DIAPH3: variants seen among roughly 807,000 people sequenced by gnomAD.
DIAPH3 encodes the protein protein diaphanous homolog 3.
Under a neutral mutation model 144.3 loss-of-function variants are expected in DIAPH3, and 117 were observed. The ratio of observed to expected loss-of-function variants is 0.81; its 90% CI spans 0.70 to 0.95. The LOEUF (loss-of-function observed/expected upper bound fraction) is 0.95. Among genes scored for constraint, DIAPH3 ranks in the 40% least tolerant of loss-of-function variants. The pLI, the probability that DIAPH3 is intolerant of heterozygous loss-of-function variation, is 0.00. For synonymous variants in DIAPH3, 519 were observed against 488.9 expected, an observed-to-expected ratio of 1.06 and a Z score of -0.81; for missense variants, 1,421 against 1,412.7, an observed-to-expected ratio of 1.01 and a Z score of -0.09.
At chr13:60,062,304 G>T (rs779352295) in intron 4 of DIAPH3, among the ~76,000 whole-genome samples, 2 of 152,044 alleles carry the variant, frequency 1.3e-5, no homozygotes, top group Admixed American at 1.3e-4. Context: ...ACATTTGCTG[G>T]ACATCTATTA....
intron 3 of DIAPH3, among the ~76,000 whole-genome samples, chr13:60,096,496 G>A (rs2058108253): frequency 6.6e-6 from 1 of 152,128 alleles, no homozygotes; most frequent in Non-Finnish European, 1.5e-5. Flanking sequence ...TTAATTTTAG[G>A]TTAGACTTCT....
chr13:59,778,101 A>G (rs1412735593), intron 25 of DIAPH3, among the ~76,000 whole-genome samples: 1 of 152,226 alleles, frequency 6.6e-6, no homozygotes, highest in Non-Finnish European at 1.5e-5. Context: ...ACACAGTCTC[A>G]TGTTTATTAC....
chr13:60,061,603 C>T (rs2056775091), intron 4 of DIAPH3, among the ~76,000 whole-genome samples: 1 of 150,728 alleles, frequency 6.6e-6, no homozygotes, highest in Non-Finnish European at 1.5e-5. Flanking sequence ...AAAACATGCC[C>T]CTCCCCCCAC....
chr13:59,766,393 T>C (rs1326192120), intron 27 of DIAPH3, among the ~76,000 whole-genome samples: 2 of 152,142 alleles, frequency 1.3e-5, no homozygotes, highest in Non-Finnish European at 2.9e-5. Context: ...TCAGCCCCAA[T>C]GACCTTGCCT....
chr13:60,147,266 T>C (rs1232309269), intron 1 of DIAPH3: 1 of 152,186 alleles, frequency 6.6e-6, no homozygotes, highest in African/African-American at 2.4e-5. Flanking sequence ...GAAAAGGTCA[T>C]TTGGAAAATA....
chr13:59,826,876 C>T (rs865925594), intron 24 of DIAPH3, among the ~76,000 whole-genome samples: 6,735 of 151,756 alleles, frequency 0.044, 230 homozygotes, highest in Admixed American at 0.11. Flanking sequence ...GAAATAACGC[C>T]GCATATCTAC....
intron 25 of DIAPH3, among the ~76,000 whole-genome samples, chr13:59,783,635 C>T (rs1215203024): frequency 6.6e-6 from 1 of 152,116 alleles, no homozygotes; most frequent in African/African-American, 2.4e-5. Context: ...CAATGGCTCC[C>T]CAACTAACAA....
intron 27 of DIAPH3, among the ~76,000 whole-genome samples, chr13:59,738,252 C>T (rs545448239): frequency 2.0e-5 from 3 of 152,140 alleles, no homozygotes; most frequent in South Asian, 2.1e-4. Flanking sequence ...ATGACAACAA[C>T]GGCCTGGGGT....
intron 20 of DIAPH3, among the ~76,000 whole-genome samples, chr13:59,906,494 A>T (rs1018367731): frequency 6.6e-6 from 1 of 152,220 alleles, no homozygotes; most frequent in Admixed American, 6.5e-5. Context: ...AATGTTTTAC[A>T]ACAAGAATAT....
intron 27 of DIAPH3, among the ~76,000 whole-genome samples, chr13:59,669,616 A>G (rs2032240229): frequency 6.6e-6 from 1 of 152,046 alleles, no homozygotes; most frequent in Non-Finnish European, 1.5e-5. Context: ...CTATTCAAGG[A>G]CATCCCTCTG....
Position 59,918,223 on chromosome 13 carries a change from A to AAGAG in DIAPH3, c.2171-1978_2171-1975dup, listed in dbSNP as rs112988613. ...GGCAGCACAGGAAAAAAAAAAAAAA[A>AAGAG]AGAGAGAGAGAGAGAGATACTGTCC... is the stretch of plus-strand genomic sequence containing the variant. On this transcript the variant is annotated intron_variant, in intron 18 of 27. Transcript: ENST00000400324. Among the ~76,000 whole-genome samples, 342 of 150,700 alleles carry AAGAG rather than the reference A, an allele frequency of 2.3e-3. 2 individuals carry two copies. Among genetic ancestry groups the AAGAG allele is most frequent in the South Asian group, 5.5e-3 (26 of 4,764 alleles).
At chr13:60,159,246 T>C (rs1011729315) in intron 1 of DIAPH3, among the ~76,000 whole-genome samples, 1 of 152,154 alleles carries the variant, frequency 6.6e-6, no homozygotes. Context: ...CACTAATTAT[T>C]GCTAATGGTT....
At chr13:59,999,242 C>T (rs1594281058) in intron 9 of DIAPH3, among the ~76,000 whole-genome samples, 1 of 152,054 alleles carries the variant, frequency 6.6e-6, no homozygotes, top group East Asian at 1.9e-4. Flanking sequence ...GTGATTATCC[C>T]TCACTTAAGA....
intron 17 of DIAPH3, among the ~76,000 whole-genome samples, chr13:59,945,364 G>C (rs1473178041): frequency 1.3e-5 from 2 of 152,128 alleles, no homozygotes; most frequent in African/African-American, 2.4e-5. Context: ...ATATACTATA[G>C]GAAAGCAAGA....
At chr13:59,859,942 C>T (rs182429136) in intron 22 of DIAPH3, among the ~76,000 whole-genome samples, 2 of 152,198 alleles carry the variant, frequency 1.3e-5, no homozygotes, top group Non-Finnish European at 2.9e-5. Flanking sequence ...TTTCAGGTTG[C>T]AGAGGGGTAA....
intron 5 of DIAPH3, among the ~76,000 whole-genome samples, chr13:60,037,364 T>C (rs1402022934): frequency 1.3e-5 from 2 of 151,818 alleles, no homozygotes; most frequent in Non-Finnish European, 2.9e-5. Context: ...AATAGTAAAA[T>C]CTAACTTATT....
At chr13:59,759,948 A>AAAACAAACAAACAAAC (rs10636836) in intron 27 of DIAPH3, among the ~76,000 whole-genome samples, 5 of 150,014 alleles carry the variant, frequency 3.3e-5, no homozygotes, top group Non-Finnish European at 5.9e-5. Context: ...ACTCCATCTC[A>AAAACAAACAAACAAAC]AAACAAACAA....
At chr13:59,757,941 C>T (rs2037372219) in intron 27 of DIAPH3, among the ~76,000 whole-genome samples, 1 of 152,080 alleles carries the variant, frequency 6.6e-6, no homozygotes, top group Non-Finnish European at 1.5e-5. Context: ...TAAATTGATC[C>T]TAATAGAGAA....
In DIAPH3 at chr13:59,666,696, G is replaced by T; in HGVS notation, c.3470C>A (p.Ala1157Glu). ...GRIKAAEKKE[A>E]CNVESNRKKE... ...TTTTCTGTTGCTTTCTACATTACAC[G>T]CTTCCTTCTTCTCAGCTGCCTTGAT... Residue 1157 changes from alanine to glutamate, a missense_variant, in exon 28 of 28, where the codon GCG becomes GAG. Transcript: ENST00000400324. 1.2e-6 allele frequency: 2 copies of T among 1,613,996 alleles called. No individual in the cohort carries two copies. The highest frequency in any genetic ancestry group is 1.7e-6 in the Non-Finnish European group (2 of 1,179,998).
Sources: allele counts gnomAD v4.1 joint callset (sites outside exome capture counted in the v4.1 genomes callset), GRCh38; gene constraint gnomAD v4.1.1; transcripts MANE v1.5; gene names NCBI Gene and HGNC (gene_info 2026-07-23, HGNC 2026-07-21).